DOCK10: variants seen among roughly 807,000 people sequenced by gnomAD.
DOCK10 encodes dedicator of cytokinesis protein 10.
A neutral mutation model predicts 280.1 loss-of-function variants in DOCK10; 145 were observed. That is an observed-to-expected ratio of 0.52 (90% confidence interval 0.45 to 0.59). The LOEUF is 0.59. Among genes scored for constraint, DOCK10 ranks in the 20% least tolerant of loss-of-function variants. The pLI is 0.00. For missense variants in DOCK10, 2,368 were observed against 2,651.7 expected, an observed-to-expected ratio of 0.89 and a Z score of 2.35; for synonymous variants, 915 against 942.2, an observed-to-expected ratio of 0.97 and a Z score of 0.53.
intron 13 of DOCK10, among the ~76,000 whole-genome samples, 171 bp from the exon 14 acceptor site, chr2:224,862,917 C>T (rs1574955871): frequency 6.6e-6 from 1 of 152,182 alleles, no homozygotes; most frequent in African/African-American, 2.4e-5. Flanking sequence ...TGTGTTCAAA[C>T]TATTGTATAA....
intron 11 of DOCK10, among the ~76,000 whole-genome samples, chr2:224,865,898 CA>C (rs1180948461): frequency 1.3e-5 from 2 of 151,844 alleles, no homozygotes; most frequent in African/African-American, 4.8e-5. Flanking sequence ...TACACACATA[CA>C]CACACACTCT....
rs915765245 is a variant in DOCK10 at position 224,861,003 on chromosome 2, A to C, written c.1685+1661T>G. ...CACTATTGTAATTTTGTTATACTGG[A>C]ATATTTCACAACAGACATCTTGCCT... On this transcript the variant is annotated intron_variant, in intron 14 of 55. Coordinates refer to ENST00000258390, the MANE Select transcript of DOCK10 (RefSeq NM_014689.3). 5 of 152,170 alleles carry C rather than the reference A, an allele frequency of 3.3e-5. No individual in the cohort carries two copies. The East Asian group carries it at 7.7e-4, about 23-fold the overall frequency. 9.4% of individuals were successfully genotyped at this position (152,170 alleles called of 1,614,324 possible).
intron 1 of DOCK10, among the ~76,000 whole-genome samples, chr2:225,007,276 T>C (rs73993977): frequency 0.035 from 5,334 of 152,300 alleles, 197 homozygotes; most frequent in African/African-American, 0.095. Context: ...TTTTTGTACC[T>C]CCCAGAAGGT....
chr2:224,874,035 C>A lies in DOCK10; in HGVS notation c.1218G>T (p.Gln406His). Residue 406 changes from glutamine to histidine, a missense_variant, in exon 11 of 56, where the codon CAG becomes CAT. Gln to His is a conservative substitution (Grantham distance 24). Transcript: ENST00000258390. Reference protein sequence around the residue: ...IICKALNSNLQGCVTENENDP... With the variant: ...IICKALNSNLHGCVTENENDP... ...CATTTTCATTCTCCGTAACACATCC[C>A]TGAAGATTTGAGTTGAGGGCTTTAC... The A allele has an allele frequency of 6.2e-7, 1 of 1,613,364 alleles. No individual in the cohort carries two copies. Among genetic ancestry groups the A allele is most frequent in the Non-Finnish European group, 8.5e-7 (1 of 1,179,776 alleles).
intron 11 of DOCK10, among the ~76,000 whole-genome samples, chr2:224,869,384 C>T (rs1698125675): frequency 2.0e-5 from 3 of 152,056 alleles, no homozygotes; most frequent in Admixed American, 2.0e-4. Context: ...GTAGTTGGCT[C>T]CTAAGCAGCT....
At chr2:224,932,282 A>C (rs905775896) in intron 1 of DOCK10, among the ~76,000 whole-genome samples, 1 of 152,202 alleles carries the variant, frequency 6.6e-6, no homozygotes, top group African/African-American at 2.4e-5. Context: ...GATAAGTGAA[A>C]AAATAGCCCG....
At chr2:224,921,929 G>A (rs1017815357) in intron 2 of DOCK10, among the ~76,000 whole-genome samples, 3 of 151,592 alleles carry the variant, frequency 2.0e-5, no homozygotes, top group African/African-American at 4.8e-5. Flanking sequence ...AAGAAACCCC[G>A]TCTCTACTAA....
chr2:225,013,633 T>G (rs1308818935), intron 1 of DOCK10, among the ~76,000 whole-genome samples: 2 of 152,188 alleles, frequency 1.3e-5, no homozygotes, highest in East Asian at 3.8e-4. Flanking sequence ...TAATAACCTC[T>G]CAGGGCTTCC....
chr2:224,781,011 G>A (rs1056438253), intron 50 of DOCK10, among the ~76,000 whole-genome samples: 1 of 152,198 alleles, frequency 6.6e-6, no homozygotes, highest in African/African-American at 2.4e-5. Flanking sequence ...CTTACTGGGA[G>A]GCTGTAAGGA....
At chr2:225,036,747 C>A (rs1282033793) in intron 1 of DOCK10, among the ~76,000 whole-genome samples, 1 of 152,180 alleles carries the variant, frequency 6.6e-6, no homozygotes, top group African/African-American at 2.4e-5. Flanking sequence ...TTTCATTTAT[C>A]TAATGGACTT....
At chr2:224,983,656 A>T in intron 1 of DOCK10, 1 of 416,530 alleles carries the variant, frequency 2.4e-6, no homozygotes, top group Non-Finnish European at 5.0e-6. Context: ...ATGCTCAAAC[A>T]GGCATTAATT....
chr2:224,876,070 C>T lies in DOCK10; in HGVS notation c.899G>A (p.Arg300Lys). 1 of 1,613,808 alleles carries T rather than the reference C, an allele frequency of 6.2e-7. No homozygotes were observed. Among genetic ancestry groups the T allele is most frequent in the South Asian group, 1.1e-5 (1 of 91,050 alleles). ...CAGATCAGTGAGCTCTGTGCTCCTC[C>T]TCCCTTGGAGGGGCCCCTCAGGACT... ...QISPEGPLQG[R>K]RSTELTDLGL... Residue 300 changes from arginine to lysine, a missense_variant, in exon 8 of 56, where the codon AGG (arginine) becomes AAG (lysine). Arg to Lys is a conservative substitution (Grantham distance 26, BLOSUM62 2). Transcript: ENST00000258390.
chr2:224,961,474 T>TTCTTTCTTTCTTTCTTTTTCTC, intron 1 of DOCK10, among the ~76,000 whole-genome samples: 1 of 145,936 alleles, frequency 6.9e-6, no homozygotes, highest in African/African-American at 2.5e-5. Context: ...TTCTTTTTCT[T>TTCTTTCTTTCTTTCTTTTTCTC]TCTTTCTTTC....
chr2:224,793,814 G>A (rs1304065671), intron 45 of DOCK10, among the ~76,000 whole-genome samples: 1 of 151,954 alleles, frequency 6.6e-6, no homozygotes, highest in African/African-American at 2.4e-5. Context: ...GATATAAAGT[G>A]GAAATAAAAA....
At chr2:224,964,254 T>A (rs1297373815) in intron 1 of DOCK10, among the ~76,000 whole-genome samples, 2 of 152,194 alleles carry the variant, frequency 1.3e-5, no homozygotes, top group Non-Finnish European at 2.9e-5. Flanking sequence ...TAAGGGATAC[T>A]TGATGATTGG....
chr2:224,924,312 T>C (rs1429876641), intron 2 of DOCK10, among the ~76,000 whole-genome samples: 2 of 152,222 alleles, frequency 1.3e-5, no homozygotes, highest in East Asian at 3.8e-4. Flanking sequence ...CAGAACATTT[T>C]CATCATGCCC....
At chr2:224,939,207 T>G (rs985593448) in intron 1 of DOCK10, among the ~76,000 whole-genome samples, 3 of 152,234 alleles carry the variant, frequency 2.0e-5, no homozygotes, top group Non-Finnish European at 4.4e-5. Context: ...AAGGGATGAC[T>G]GTATTGTTAC....
chr2:224,941,611 AGGTG>A (rs1297892382), intron 1 of DOCK10, among the ~76,000 whole-genome samples: 1 of 152,138 alleles, frequency 6.6e-6, no homozygotes, highest in Non-Finnish European at 1.5e-5. Flanking sequence ...TGGAAGGCCA[AGGTG>A]GGTGGATCAC....
chr2:224,793,970 T>C (rs1180512710), intron 45 of DOCK10, among the ~76,000 whole-genome samples: 3 of 152,210 alleles, frequency 2.0e-5, no homozygotes, highest in Non-Finnish European at 4.4e-5. Flanking sequence ...CTAGATTATA[T>C]GGCTGATGTT....
Sources: gnomAD v4.1 joint callset for allele counts (sites outside exome capture counted in the v4.1 genomes callset) on GRCh38, gnomAD v4.1.1 for gene constraint, MANE v1.5 for transcripts, NCBI Gene and HGNC (gene_info 2026-07-23, HGNC 2026-07-21) for gene names.